The following CPED1 variants were observed in gnomAD, a reference collection of about 807,000 sequenced individuals.
CPED1 encodes cadherin-like and PC-esterase domain-containing protein 1.
In CPED1, 114 loss-of-function variants were observed where a neutral mutation model predicts 128.2. The ratio of observed to expected loss-of-function variants is 0.89; its 90% CI spans 0.76 to 1.04. CPED1 has a LOEUF of 1.04. CPED1 is among the 50% of genes least tolerant of loss of function. CPED1 has a pLI of 0.00. For missense variants in CPED1, 1,211 were observed against 1,207.1 expected, an observed-to-expected ratio of 1.00 and a Z score of -0.05; for synonymous variants, 462 against 426.7, an observed-to-expected ratio of 1.08 and a Z score of -1.02.
chr7:121,245,835 C>T (rs990315191), intron 18 of CPED1, among the ~76,000 whole-genome samples: 4 of 151,864 alleles, frequency 2.6e-5, no homozygotes, highest in Non-Finnish European at 4.4e-5. Flanking sequence ...GGATTACAGG[C>T]GCCTGCCACC....
At chr7:121,119,601 G>A (rs1453803305) in intron 7 of CPED1, among the ~76,000 whole-genome samples, 4 of 150,812 alleles carry the variant, frequency 2.7e-5, no homozygotes, top group Admixed American at 1.3e-4. Context: ...CGAGGCGGGC[G>A]GATCACGAGG....
intron 16 of CPED1, among the ~76,000 whole-genome samples, chr7:121,167,979 C>T (rs373388163): frequency 3.3e-5 from 5 of 152,026 alleles, no homozygotes; most frequent in African/African-American, 4.8e-5. Flanking sequence ...GTGATCCGCC[C>T]GCCTCGGCCT....
intron 16 of CPED1, among the ~76,000 whole-genome samples, chr7:121,207,673 C>T (rs1440115145): frequency 1.3e-5 from 2 of 152,020 alleles, no homozygotes; most frequent in Non-Finnish European, 2.9e-5. Flanking sequence ...TATATTTATT[C>T]AGCAGATGCT....
chr7:121,115,611 T>TA (rs2116280123), intron 7 of CPED1, among the ~76,000 whole-genome samples: 1 of 152,328 alleles, frequency 6.6e-6, no homozygotes, highest in Non-Finnish European at 1.5e-5. Flanking sequence ...ATGAGATAGG[T>TA]ATCTTTCTGC....
intron 7 of CPED1, among the ~76,000 whole-genome samples, chr7:121,120,136 C>T (rs1475753067): frequency 6.6e-6 from 1 of 152,048 alleles, no homozygotes; most frequent in Non-Finnish European, 1.5e-5. Context: ...TCTTTGAGAC[C>T]TGCTTTCAGT....
At chr7:121,197,118 C>CTTTTTTTT (rs33936909) in intron 16 of CPED1, among the ~76,000 whole-genome samples, 1 of 128,414 alleles carries the variant, frequency 7.8e-6, no homozygotes, top group Non-Finnish European at 1.7e-5. Context: ...TAAAAATAAT[C>CTTTTTTTT]TTTTTTTTTT....
chr7:121,138,637 G>A (rs1000765554), intron 14 of CPED1, among the ~76,000 whole-genome samples: 1 of 152,030 alleles, frequency 6.6e-6, no homozygotes, highest in Non-Finnish European at 1.5e-5. Context: ...TTAAGTGAAA[G>A]TATAAACTGC....
intron 16 of CPED1, among the ~76,000 whole-genome samples, chr7:121,176,615 A>C (rs1796784464): frequency 6.6e-6 from 1 of 152,084 alleles, no homozygotes; most frequent in Non-Finnish European, 1.5e-5. Flanking sequence ...GGAAAGGTGA[A>C]CGTCATGACA....
rs756607568 is a variant in CPED1, at chr7:121,267,289, A to G, written c.2708A>G (p.His903Arg). The G allele has an allele frequency of 4.4e-6, 7 of 1,581,200 alleles. No individual in the cohort carries two copies. In the East Asian group the frequency reaches 1.6e-4, roughly 36 times the overall value. ...IGFHLPVDGV[H>R]FLTQSEVQNL... ...TTTCATCTGCCAGTGGATGGAGTAC[A>G]TTTCTTAACACAGGTAAGCACATTT... Residue 903 changes from histidine to arginine, a missense_variant, in exon 21 of 23, where the codon CAT becomes CGT. Physicochemically the swap from His to Arg is conservative, Grantham distance 29. Transcript: ENST00000310396.
chr7:121,079,572 A>C (rs1364298913), intron 5 of CPED1, among the ~76,000 whole-genome samples: 1 of 152,228 alleles, frequency 6.6e-6, no homozygotes, highest in African/African-American at 2.4e-5. Flanking sequence ...ACTTAGCCAA[A>C]GGTGTCTCTT....
At chr7:121,016,152 C>T (rs1792296603) in intron 3 of CPED1, among the ~76,000 whole-genome samples, 1 of 152,000 alleles carries the variant, frequency 6.6e-6, no homozygotes, top group Admixed American at 6.6e-5. Context: ...CATGTTCTGC[C>T]CCGCACCCAA....
chr7:121,116,886 C>A (rs953086166), intron 7 of CPED1, among the ~76,000 whole-genome samples: 2 of 150,270 alleles, frequency 1.3e-5, no homozygotes, highest in Non-Finnish European at 1.5e-5. Context: ...ACAGTGTCTG[C>A]CACATAGTGT....
chr7:121,188,476 CAGTT>C (rs1274619543), intron 16 of CPED1, among the ~76,000 whole-genome samples: 6 of 152,072 alleles, frequency 3.9e-5, no homozygotes, highest in African/African-American at 1.4e-4. Flanking sequence ...TTATTGTAGT[CAGTT>C]AATCTAAATT....
intron 5 of CPED1, among the ~76,000 whole-genome samples, chr7:121,073,331 T>A (rs554659869): frequency 1.3e-5 from 2 of 152,120 alleles, no homozygotes; most frequent in South Asian, 4.2e-4. Context: ...ATTGAGGAGA[T>A]GGAAAAAGAG....
intron 5 of CPED1, among the ~76,000 whole-genome samples, chr7:121,085,542 A>G (rs1004905524): frequency 6.6e-6 from 1 of 152,144 alleles, no homozygotes; most frequent in Non-Finnish European, 1.5e-5. Context: ...AGCCTGTGGA[A>G]TACAAGAACA....
chr7:121,121,927 G>A (rs1343653375), intron 7 of CPED1, among the ~76,000 whole-genome samples: 7 of 152,016 alleles, frequency 4.6e-5, no homozygotes, highest in African/African-American at 1.7e-4. Flanking sequence ...CAGTGTAACC[G>A]GACACTCAAA....
At chr7:121,003,893 G>T (rs2116771493) in intron 2 of CPED1, among the ~76,000 whole-genome samples, 1 of 152,310 alleles carries the variant, frequency 6.6e-6, no homozygotes, top group East Asian at 1.9e-4. Flanking sequence ...ATAAGAGTAA[G>T]CAAGAAAACA....
chr7:120,995,971 TTC>T (rs1796396485), intron 2 of CPED1, among the ~76,000 whole-genome samples: 1 of 122,272 alleles, frequency 8.2e-6, no homozygotes, highest in Non-Finnish European at 1.8e-5. Flanking sequence ...CTCCTCCTCC[TTC>T]TTCTTCTTCT....
intron 5 of CPED1, among the ~76,000 whole-genome samples, chr7:121,090,145 AC>A (rs1211544494): frequency 1.3e-5 from 2 of 152,234 alleles, no homozygotes; most frequent in African/African-American, 4.8e-5. Flanking sequence ...ACTGAAAAAG[AC>A]TACAAAGAAG....
Sources: allele counts gnomAD v4.1 joint callset (sites outside exome capture counted in the v4.1 genomes callset), GRCh38; gene constraint gnomAD v4.1.1; transcripts MANE v1.5; gene names NCBI Gene and HGNC (gene_info 2026-07-23, HGNC 2026-07-21).